The following RSPRY1 variants were observed in gnomAD, a reference collection of about 807,000 sequenced individuals.
RSPRY1 encodes ring finger and SPRY domain containing 1, also known as RING finger and SPRY domain-containing protein 1.
A neutral mutation model predicts 73.1 loss-of-function variants in RSPRY1; 23 were observed. The observed-to-expected ratio is 0.31, with a 90% CI of 0.23 to 0.45. The LOEUF (loss-of-function observed/expected upper bound fraction) is 0.45. Ranked by LOEUF, RSPRY1 falls within the 20% of genes least tolerant of loss-of-function variation. The pLI is 1.00. For missense variants in RSPRY1, 448 were observed against 698.7 expected, an observed-to-expected ratio of 0.64 and a Z score of 4.05; for synonymous variants, 226 against 251.4, an observed-to-expected ratio of 0.90 and a Z score of 0.95.
At chr16:57,220,101 T>C (rs1028751262) in intron 8 of RSPRY1, 2 of 152,258 alleles carry the variant, frequency 1.3e-5, no homozygotes, top group African/African-American at 4.8e-5. Flanking sequence ...TCCTCCAGTT[T>C]CGTTTTCTTG....
chr16:57,216,122 C>G lies in RSPRY1; in HGVS notation c.718C>G (p.Pro240Ala), dbSNP rs1183418868. ...TGTTTTTCAGAAGTTACAGTCCCAC[C>G]CCACAGTCATGCTTTTTGCACTTAT... The part of the protein sequence containing the change: ...LLQCLKLQSH[P>A]TVMLFALIAL... Residue 240 changes from proline to alanine, a missense_variant, in exon 7 of 15, where the codon CCC becomes GCC. Transcript: ENST00000394420. 6.2e-7 allele frequency: 1 copy of G among 1,611,212 alleles called. No individual in the cohort carries two copies. The highest frequency in any genetic ancestry group is 1.1e-5 in the South Asian group (1 of 90,982).
At chr16:57,222,256 T>C (rs1474022616) in intron 10 of RSPRY1, among the ~76,000 whole-genome samples, 1 of 152,196 alleles carries the variant, frequency 6.6e-6, no homozygotes, top group Non-Finnish European at 1.5e-5. Flanking sequence ...GGTGAGGTTT[T>C]CTGATTTTCT....
At chr16:57,232,252 C>T (rs1448169330) in intron 13 of RSPRY1, among the ~76,000 whole-genome samples, 2 of 152,256 alleles carry the variant, frequency 1.3e-5, no homozygotes, top group East Asian at 3.9e-4. Flanking sequence ...AAGCAGTGCT[C>T]TGGGCTGTGC....
rs1555499000 is a variant in RSPRY1 at position 57,196,032 on chromosome 16, A to ATATAT, written c.-155-8472_-155-8471insTATAT. Among the ~76,000 whole-genome samples the ATATAT allele has an allele frequency of 6.3e-4, 31 of 49,066 alleles. No homozygotes were observed. In the East Asian group the frequency reaches 6.4e-3, roughly 10 times the overall value. The allele number at this position is 49,066 out of a possible 152,430, so 32.2% of individuals were successfully genotyped here. ...TGAGACTTCATCTCAAAAAAAAAAA[A>ATATAT]AAATATATATATATATATATAGGTA... On this transcript the variant is annotated intron_variant, in intron 1 of 14. Transcript: ENST00000394420.
chr16:57,223,874 G>A (rs748741112), intron 10 of RSPRY1, among the ~76,000 whole-genome samples: 9 of 152,210 alleles, frequency 5.9e-5, no homozygotes, highest in African/African-American at 1.2e-4. Flanking sequence ...CTTTTTGAGA[G>A]TTTGGAAAGG....
chr16:57,228,290 A>G lies in RSPRY1; in HGVS notation c.1273+837A>G, dbSNP rs1011674460. Among the ~76,000 whole-genome samples, 3 of 151,498 alleles carry G rather than the reference A, an allele frequency of 2.0e-5. No individual in the cohort carries two copies. The East Asian group carries it at 5.8e-4, about 29-fold the overall frequency. On this transcript the variant is annotated intron_variant, in intron 11 of 14. Coordinates refer to ENST00000394420, the MANE Select transcript of RSPRY1 (RefSeq NM_133368.3). ...TCCATCTCAAAAAAAAAAAAAAAAA[A>G]AAAGGAAAGCAGGAATTTGCCCACC...
At chr16:57,224,120 C>T (rs1388593911) in intron 10 of RSPRY1, among the ~76,000 whole-genome samples, 4 of 152,204 alleles carry the variant, frequency 2.6e-5, no homozygotes, top group African/African-American at 9.7e-5. Flanking sequence ...ACTAGACAGG[C>T]TCCAAGGCTG....
intron 14 of RSPRY1, among the ~76,000 whole-genome samples, chr16:57,236,544 G>C (rs1427228470): frequency 6.6e-6 from 1 of 152,176 alleles, no homozygotes; most frequent in African/African-American, 2.4e-5. Context: ...AAGCATTCCT[G>C]TTACCATAAA....
At chr16:57,226,057 A>G (rs1264741347) in intron 10 of RSPRY1, among the ~76,000 whole-genome samples, 1 of 152,140 alleles carries the variant, frequency 6.6e-6, no homozygotes, top group Non-Finnish European at 1.5e-5. Context: ...CAGCCTAGGC[A>G]ACAAGAGTGA....
chr16:57,199,361 G>A (rs569031997), intron 1 of RSPRY1, among the ~76,000 whole-genome samples: 14 of 152,074 alleles, frequency 9.2e-5, no homozygotes, highest in African/African-American at 2.9e-4. Flanking sequence ...GCATGGTGGC[G>A]TGCGCCTGTA....
At chr16:57,196,020 CAAA>C (rs1185993362) in intron 1 of RSPRY1, among the ~76,000 whole-genome samples, 1 of 127,264 alleles carries the variant, frequency 7.9e-6, no homozygotes, top group Non-Finnish European at 1.6e-5. Context: ...GACTTCATCT[CAAA>C]AAAAAAAAAA....
chr16:57,186,545 CAG>C (rs746273345), intron 1 of RSPRY1, 94 bp downstream of exon 1: 1 of 153,016 alleles, frequency 6.5e-6, no homozygotes, highest in African/African-American at 2.4e-5. Context: ...GGGAGGGGAA[CAG>C]CCGCTCGAGC....
intron 10 of RSPRY1, among the ~76,000 whole-genome samples, chr16:57,226,504 AT>A (rs1304886361): frequency 6.6e-6 from 1 of 152,196 alleles, no homozygotes; most frequent in Admixed American, 6.5e-5. Flanking sequence ...GGGACAGGCA[AT>A]TCCTGGAACC....
At chr16:57,204,456 G>C (rs2074685575) in intron 1 of RSPRY1, 48 bp from the exon 2 acceptor site, 1 of 531,852 alleles carries the variant, frequency 1.9e-6, no homozygotes. Flanking sequence ...GAGTAATTAA[G>C]TGGTCAAGAA....
intron 1 of RSPRY1, among the ~76,000 whole-genome samples, chr16:57,200,421 T>C (rs1597864527): frequency 6.6e-6 from 1 of 152,260 alleles, no homozygotes; most frequent in South Asian, 2.1e-4. Flanking sequence ...AGCTGTTGAG[T>C]ACATCTCCCA....
At chr16:57,208,396 ATATAT>A (rs1322789631) in intron 3 of RSPRY1, among the ~76,000 whole-genome samples, 7 of 38,168 alleles carry the variant, frequency 1.8e-4, no homozygotes, top group African/African-American at 6.1e-4. Context: ...ATATATATAT[ATATAT>A]TTTTTTTTTT....
intron 6 of RSPRY1, 82 bp downstream of exon 6, chr16:57,214,028 G>A: frequency 2.1e-6 from 2 of 935,314 alleles, no homozygotes; most frequent in South Asian, 1.4e-5. Context: ...TCAAATTGCT[G>A]GCATAGCCAC....
At chr16:57,196,989 A>ATT (rs1454755671) in intron 1 of RSPRY1, among the ~76,000 whole-genome samples, 2 of 152,196 alleles carry the variant, frequency 1.3e-5, no homozygotes, top group Non-Finnish European at 2.9e-5. Flanking sequence ...ATCAGTAAAT[A>ATT]TTGCAGGGCT....
chr16:57,199,904 TTTCTTTTTC>T (rs2074532886), intron 1 of RSPRY1, among the ~76,000 whole-genome samples: 1 of 149,704 alleles, frequency 6.7e-6, no homozygotes, highest in Non-Finnish European at 1.5e-5. Flanking sequence ...TGTTTTTTTT[TTTCTTTTTC>T]TTTTTTTTTT....
Sources: allele counts gnomAD v4.1 joint callset (sites outside exome capture counted in the v4.1 genomes callset), GRCh38; gene constraint gnomAD v4.1.1; transcripts MANE v1.5; gene names NCBI Gene and HGNC (gene_info 2026-07-23, HGNC 2026-07-21).